Variants in PMFBP1 observed in about 807,000 individuals in gnomAD.
PMFBP1 encodes polyamine modulated factor 1 binding protein 1.
In PMFBP1, 131 loss-of-function variants were observed where a neutral mutation model predicts 137.8. That is an observed-to-expected ratio of 0.95 (90% CI 0.82 to 1.10). PMFBP1 has a LOEUF of 1.10. PMFBP1 is among the 50% of genes least tolerant of loss of function. The pLI, the probability that PMFBP1 is intolerant of heterozygous loss-of-function variation, is 0.00. For missense variants in PMFBP1, 1,199 were observed against 1,175.4 expected (o/e 1.02, Z -0.29); for synonymous variants, 490 against 450.4 (o/e 1.09, Z -1.11).
At chr16:72,161,632 T>C (rs923765237) in intron 3 of PMFBP1, among the ~76,000 whole-genome samples, 1 of 152,170 alleles carries the variant, frequency 6.6e-6, no homozygotes, top group Non-Finnish European at 1.5e-5. Flanking sequence ...AGTTCCCATA[T>C]GTTCTTCATA....
At chr16:72,118,425 A>G (rs1287965572), downstream of PMFBP1, among the ~76,000 whole-genome samples, 1 of 152,200 alleles carries the variant, frequency 6.6e-6, no homozygotes, top group Non-Finnish European at 1.5e-5. Context: ...TCCTATTAGC[A>G]GTGAATTTTC....
At chr16:72,248,700 A>G in the PMFBP1 span, among the ~76,000 whole-genome samples, 7 of 152,348 alleles carry the variant, frequency 4.6e-5, no homozygotes, top group African/African-American at 1.4e-4. Context: ...GTTCTTCTCC[A>G]TAAATCAACT....
At chr16:72,121,127 C>T (rs2042371324) in intron 19 of PMFBP1, among the ~76,000 whole-genome samples, 1 of 152,212 alleles carries the variant, frequency 6.6e-6, no homozygotes, top group Admixed American at 6.5e-5. Context: ...GACAACTTTT[C>T]TTTTACTTAC....
At chr16:72,183,641 C>G in the PMFBP1 span, among the ~76,000 whole-genome samples, 2 of 152,102 alleles carry the variant, frequency 1.3e-5, no homozygotes, top group Non-Finnish European at 2.9e-5. Flanking sequence ...AAGTCACATT[C>G]TCAGGTTCAG....
At chr16:72,165,061 T>TG in intron 2 of PMFBP1, 145 bp from the exon 3 acceptor site, 1 of 784,152 alleles carries the variant, frequency 1.3e-6, no homozygotes, top group Non-Finnish European at 1.9e-6. Context: ...CTGTGTAACA[T>TG]TTACACAGTT....
At chr16:72,125,923 T>A in intron 15 of PMFBP1, 45 bp downstream of exon 15, 1 of 1,597,390 alleles carries the variant, frequency 6.3e-7, no homozygotes, top group Non-Finnish European at 8.5e-7. Context: ...CCTTGACGTT[T>A]CCTTGCCTGA....
chr16:72,239,717 C>T, the PMFBP1 span, among the ~76,000 whole-genome samples: 15 of 151,642 alleles, frequency 9.9e-5, 1 homozygote, highest in Non-Finnish European at 1.9e-4. Flanking sequence ...CATGGTGAAA[C>T]CCCGTCTCTA....
upstream of PMFBP1, among the ~76,000 whole-genome samples, chr16:72,175,347 T>G (rs2043254760): frequency 6.6e-6 from 1 of 152,204 alleles, no homozygotes; most frequent in Admixed American, 6.5e-5. Context: ...AGTGAACAAG[T>G]TCTCTGAAAT....
At chr16:72,135,368 T>C (rs1406996415) in intron 9 of PMFBP1, among the ~76,000 whole-genome samples, 1 of 148,854 alleles carries the variant, frequency 6.7e-6, no homozygotes, top group Non-Finnish European at 1.5e-5. Flanking sequence ...TGTTTTTTTT[T>C]TTTTTTTTTT....
the PMFBP1 span, among the ~76,000 whole-genome samples, chr16:72,197,145 A>C: frequency 6.6e-6 from 1 of 152,208 alleles, no homozygotes. Context: ...GCCACAATGC[A>C]AAAGAAGATC....
At chr16:72,118,023 C>T (rs759721361), downstream of PMFBP1, among the ~76,000 whole-genome samples, 3 of 152,184 alleles carry the variant, frequency 2.0e-5, no homozygotes, top group Non-Finnish European at 4.4e-5. Flanking sequence ...AATCACTCCA[C>T]AGGAAGTGAA....
the PMFBP1 span, among the ~76,000 whole-genome samples, chr16:72,220,970 G>C: frequency 6.6e-6 from 1 of 152,128 alleles, no homozygotes; most frequent in African/African-American, 2.4e-5. Flanking sequence ...GTTTCCTGAG[G>C]ATTGTGCCCT....
chr16:72,165,600 A>G (rs1379987708), intron 2 of PMFBP1, among the ~76,000 whole-genome samples: 3 of 151,902 alleles, frequency 2.0e-5, no homozygotes, highest in African/African-American at 7.3e-5. Flanking sequence ...TTGTATTTTT[A>G]GTAGAGACAG....
intron 19 of PMFBP1, among the ~76,000 whole-genome samples, chr16:72,121,980 T>A (rs111329476): frequency 0.041 from 6,266 of 152,182 alleles, 400 homozygotes; most frequent in African/African-American, 0.14. Context: ...TGTTGTACAT[T>A]TTATTTCATC....
the PMFBP1 span, among the ~76,000 whole-genome samples, chr16:72,245,345 A>C: frequency 6.6e-6 from 1 of 152,172 alleles, no homozygotes; most frequent in South Asian, 2.1e-4. Context: ...TCCATTTTAC[A>C]GGTGGGGGAA....
At chr16:72,117,622 G>A (rs2042321789), downstream of PMFBP1, among the ~76,000 whole-genome samples, 1 of 152,164 alleles carries the variant, frequency 6.6e-6, no homozygotes, top group Non-Finnish European at 1.5e-5. Flanking sequence ...TTTCACCATT[G>A]AGTATAATGT....
the PMFBP1 span, among the ~76,000 whole-genome samples, chr16:72,199,925 G>A: frequency 2.0e-5 from 3 of 152,216 alleles, no homozygotes; most frequent in African/African-American, 7.2e-5. Flanking sequence ...TCTACATAGA[G>A]AGCTTAGTAA....
chr16:72,199,485 C>G, the PMFBP1 span, among the ~76,000 whole-genome samples: 1 of 151,926 alleles, frequency 6.6e-6, no homozygotes, highest in African/African-American at 2.4e-5. Flanking sequence ...GAAACCCTGT[C>G]TCTACTAAAA....
intron 14 of PMFBP1, chr16:72,128,342 C>G (rs2042492416): frequency 5.4e-6 from 7 of 1,295,146 alleles, no homozygotes; most frequent in Non-Finnish European, 5.9e-6. Flanking sequence ...GAAGTGTTCC[C>G]TAGCAAATTG....
Sources: allele counts gnomAD v4.1 joint callset (sites outside exome capture counted in the v4.1 genomes callset), GRCh38; gene constraint gnomAD v4.1.1; transcripts MANE v1.5; gene names NCBI Gene and HGNC (gene_info 2026-07-23, HGNC 2026-07-21).